The following SIK3 variants were observed in gnomAD, a reference collection of about 807,000 sequenced individuals.
SIK3 encodes the protein SIK family kinase 3, also known as serine/threonine-protein kinase SIK3.
A neutral mutation model predicts 144.2 loss-of-function variants in SIK3; 28 were observed. The observed-to-expected ratio is 0.19, with a 90% CI of 0.14 to 0.27. The LOEUF is 0.27. SIK3 is among the 10% of genes least tolerant of loss of function. SIK3 has a pLI of 1.00. For synonymous variants in SIK3, 686 were observed against 676.3 expected, an observed-to-expected ratio of 1.01 and a Z score of -0.22; for missense variants, 1,319 against 1,776.0, an observed-to-expected ratio of 0.74 and a Z score of 4.62.
intron 1 of SIK3, among the ~76,000 whole-genome samples, chr11:117,069,473 T>A (rs1954166901): frequency 6.6e-6 from 1 of 152,174 alleles, no homozygotes; most frequent in African/African-American, 2.4e-5. Flanking sequence ...AATAATTCCT[T>A]AACATCAGAT....
intron 4 of SIK3, among the ~76,000 whole-genome samples, chr11:116,900,176 C>T (rs779793746): frequency 1.1e-4 from 17 of 152,182 alleles, no homozygotes; most frequent in Non-Finnish European, 1.9e-4. Flanking sequence ...GTCATACCTG[C>T]GCTTTCAGTG....
intron 16 of SIK3, 89 bp from the exon 17 acceptor site, chr11:116,862,416 TCATGG>T: frequency 1.3e-6 from 2 of 1,567,326 alleles, no homozygotes; most frequent in Non-Finnish European, 1.7e-6. Context: ...CTCCAAGCTC[TCATGG>T]GCAGAAAGAG....
intron 1 of SIK3, among the ~76,000 whole-genome samples, chr11:117,024,171 G>T (rs1416169219): frequency 6.6e-6 from 1 of 152,014 alleles, no homozygotes; most frequent in Non-Finnish European, 1.5e-5. Flanking sequence ...CCACTGGGTT[G>T]TGGGCAATCT....
chr11:116,951,403 TAAC>T (rs1478942724), intron 3 of SIK3, among the ~76,000 whole-genome samples: 2 of 152,172 alleles, frequency 1.3e-5, no homozygotes, highest in Admixed American at 6.5e-5. Flanking sequence ...GTATCAATAA[TAAC>T]ATTTCAAATT....
intron 3 of SIK3, among the ~76,000 whole-genome samples, chr11:116,933,632 C>T (rs1314802436): frequency 6.6e-6 from 1 of 152,008 alleles, no homozygotes; most frequent in East Asian, 1.9e-4. Flanking sequence ...TCTTTTCTTC[C>T]TTCCTCTCTC....
intron 1 of SIK3, among the ~76,000 whole-genome samples, chr11:117,009,211 C>T (rs557897112): frequency 3.5e-4 from 48 of 135,708 alleles, no homozygotes; most frequent in Non-Finnish European, 5.7e-4. Context: ...CCAGCCTGGG[C>T]GACAGAGTGA....
At chr11:116,940,739 C>T (rs1319631558) in intron 3 of SIK3, among the ~76,000 whole-genome samples, 1 of 150,668 alleles carries the variant, frequency 6.6e-6, no homozygotes, top group African/African-American at 2.4e-5. Flanking sequence ...CCGCCAGCTC[C>T]CCTCCTTCAT....
intron 4 of SIK3, among the ~76,000 whole-genome samples, chr11:116,906,290 G>T (rs368942165): frequency 3.3e-5 from 5 of 152,088 alleles, no homozygotes; most frequent in African/African-American, 1.2e-4. Context: ...AGAGAATATG[G>T]CCCTGAGCAG....
chr11:116,901,202 T>A (rs1945723267), intron 4 of SIK3, among the ~76,000 whole-genome samples: 1 of 152,152 alleles, frequency 6.6e-6, no homozygotes, highest in African/African-American at 2.4e-5. Flanking sequence ...TGTGTGTTTA[T>A]ACCCTCCATT....
chr11:117,058,251 G>GT (rs1336910313), intron 1 of SIK3, among the ~76,000 whole-genome samples: 2 of 152,150 alleles, frequency 1.3e-5, no homozygotes, highest in Non-Finnish European at 2.9e-5. Flanking sequence ...GCCAGGTGCA[G>GT]TGGCTCACAC....
At chr11:117,069,450 C>T (rs1954165448) in intron 1 of SIK3, among the ~76,000 whole-genome samples, 1 of 152,060 alleles carries the variant, frequency 6.6e-6, no homozygotes, top group South Asian at 2.1e-4. Flanking sequence ...ATACTACTGC[C>T]CCATCTGAAG....
At chr11:116,930,993 C>A (rs376964488) in intron 3 of SIK3, among the ~76,000 whole-genome samples, 23 of 152,178 alleles carry the variant, frequency 1.5e-4, no homozygotes, top group African/African-American at 4.3e-4. Context: ...AAATGGTTCT[C>A]CTGTTTCAAG....
intron 1 of SIK3, among the ~76,000 whole-genome samples, chr11:117,070,852 G>C (rs955232351): frequency 6.8e-6 from 1 of 147,138 alleles, no homozygotes; most frequent in Admixed American, 6.9e-5. Flanking sequence ...TCCCGGGTTC[G>C]AGCAATTCTC....
chr11:117,065,234 A>T (rs1397602427), intron 1 of SIK3, among the ~76,000 whole-genome samples: 1 of 151,672 alleles, frequency 6.6e-6, no homozygotes, highest in Non-Finnish European at 1.5e-5. Context: ...AATGAGACGT[A>T]GCTTGGTTTC....
Position 116,957,076 on chromosome 11 carries a change from G to A in SIK3, c.274-12C>T. ...ATCTTGATAGCAACCTGACAACAGA[G>A]GGAAAAAAATTACTCTGATGCATTA... On this transcript the variant is annotated splice_polypyrimidine_tract_variant and intron_variant, in intron 1 of 24. Coordinates refer to ENST00000445177, the MANE Select transcript of SIK3 (RefSeq NM_001366686.3). The A allele has an allele frequency of 6.5e-7, 1 of 1,529,516 alleles. No homozygotes were observed. The highest frequency in any genetic ancestry group is 8.8e-7 in the Non-Finnish European group (1 of 1,130,630). 94.7% of individuals were successfully genotyped at this position (1,529,516 alleles called of 1,614,324 possible). A position where few individuals can be genotyped will look rare whatever the true frequency, so the allele number is the denominator to read the frequency against.
At chr11:116,999,266 T>C (rs1950771891) in intron 1 of SIK3, among the ~76,000 whole-genome samples, 1 of 152,358 alleles carries the variant, frequency 6.6e-6, no homozygotes, top group African/African-American at 2.4e-5. Flanking sequence ...CCATCTCTTC[T>C]TTATGCTAAG....
In SIK3 at chr11:116,849,128, C is replaced by A; in HGVS notation, c.3811G>T (p.Asp1271Tyr). ...AGGTGGGACCAACATACATAAGCAT[C>A]GTCGCTGTTCTGGATCGTGTGGTGT... ...QRHHTIQNSDDAYVQLDNLPG... is the reference protein window; with the variant it reads ...QRHHTIQNSDYAYVQLDNLPG... Residue 1271 changes from aspartate to tyrosine, a missense_variant, in exon 22 of 25, where the codon GAT becomes TAT. By Grantham distance (160) the Asp-to-Tyr change is radical. This residue lies in a region of SIK3 where 646 missense variants were observed against 763.7 expected (regional missense o/e 0.85). Transcript: ENST00000445177. This position sits in a 1 kb window ranked among gnomAD's most constrained non-coding sequence, Gnocchi z 4.2. 6.3e-7 allele frequency: 1 copy of A among 1,592,904 alleles called. No homozygotes were observed. The highest frequency in any genetic ancestry group is 8.6e-7 in the Non-Finnish European group (1 of 1,166,364).
At chr11:117,018,673 T>C (rs928981910) in intron 1 of SIK3, among the ~76,000 whole-genome samples, 1 of 151,988 alleles carries the variant, frequency 6.6e-6, no homozygotes, top group Admixed American at 6.6e-5. Flanking sequence ...ATGGCAACTC[T>C]AAACAAGACT....
At chr11:117,095,192 TA>T (rs3057848) in intron 1 of SIK3, among the ~76,000 whole-genome samples, 52,452 of 121,650 alleles carry the variant, frequency 0.43, 13,377 homozygotes, top group Non-Finnish European at 0.6. Flanking sequence ...CATGTGTGTT[TA>T]AAAAAAAAAA....
Sources: allele counts gnomAD v4.1 joint callset (sites outside exome capture counted in the v4.1 genomes callset), GRCh38; gene constraint gnomAD v4.1.1; regional missense constraint gnomAD v4.1.1; non-coding constraint Gnocchi (gnomAD v3.1); transcripts MANE v1.5; gene names NCBI Gene and HGNC (gene_info 2026-07-23, HGNC 2026-07-21).